Variants in DHX57 observed in about 807,000 individuals in gnomAD.
The protein encoded by DHX57 is DExH-box helicase 57, also known as putative ATP-dependent RNA helicase DHX57.
In DHX57, 105 loss-of-function variants were observed where a neutral mutation model predicts 156.2. That is an observed-to-expected ratio of 0.67 (90% CI 0.57 to 0.79). The LOEUF is 0.79. DHX57 is among the 30% of genes least tolerant of loss of function. The probability of loss-of-function intolerance (pLI) is 0.00; values close to 1 mark genes in which losing one functional copy is unlikely to be tolerated. For missense variants in DHX57, 1,847 were observed against 1,661.9 expected, an observed-to-expected ratio of 1.11 and a Z score of -1.94; for synonymous variants, 704 against 595.6, an observed-to-expected ratio of 1.18 and a Z score of -2.65.
intron 1 of DHX57, among the ~76,000 whole-genome samples, chr2:38,870,899 A>G (rs28429643): frequency 6.6e-6 from 1 of 151,702 alleles, no homozygotes; most frequent in Non-Finnish European, 1.5e-5. Context: ...AAAACAAAAA[A>G]CAAAAAAAAA....
intron 1 of DHX57, among the ~76,000 whole-genome samples, chr2:38,873,159 T>A (rs1429038610): frequency 1.3e-5 from 2 of 152,108 alleles, no homozygotes; most frequent in Non-Finnish European, 2.9e-5. Flanking sequence ...CCTGACTAAT[T>A]TTTGTATTTT....
chr2:38,803,992 G>C (rs1669821373), intron 22 of DHX57, among the ~76,000 whole-genome samples: 1 of 152,086 alleles, frequency 6.6e-6, no homozygotes, highest in African/African-American at 2.4e-5. Flanking sequence ...ATGTTGGCCA[G>C]GCTGGTCTCA....
intron 9 of DHX57, among the ~76,000 whole-genome samples, chr2:38,849,447 C>T (rs1183503105): frequency 6.6e-6 from 1 of 151,960 alleles, no homozygotes; most frequent in Non-Finnish European, 1.5e-5. Context: ...TGCGGTGGCT[C>T]ACACTTGTAA....
intron 6 of DHX57, 46 bp from the exon 7 acceptor site, chr2:38,856,507 T>G (rs57884089): frequency 7.6e-6 from 9 of 1,183,126 alleles, no homozygotes. Context: ...CTTTTTCTTT[T>G]TTTTTTTTTT....
intron 13 of DHX57, among the ~76,000 whole-genome samples, chr2:38,832,852 T>A (rs1208858142): frequency 1.3e-5 from 2 of 152,010 alleles, no homozygotes; most frequent in Non-Finnish European, 2.9e-5. Context: ...TAAAGTAATT[T>A]TTTGATCTAT....
At chr2:38,840,335 T>C (rs1465769508) in intron 12 of DHX57, among the ~76,000 whole-genome samples, 1 of 152,032 alleles carries the variant, frequency 6.6e-6, no homozygotes, top group Non-Finnish European at 1.5e-5. Context: ...AAACATTATT[T>C]AATTTTCTGA....
chr2:38,859,891 G>A (rs1040291417), intron 5 of DHX57, among the ~76,000 whole-genome samples: 1 of 149,938 alleles, frequency 6.7e-6, no homozygotes, highest in Admixed American at 6.7e-5. Flanking sequence ...ACTCACTGCA[G>A]CTTCTACCTC....
intron 19 of DHX57, among the ~76,000 whole-genome samples, chr2:38,817,297 C>A (rs1558362446): frequency 6.6e-6 from 1 of 151,996 alleles, no homozygotes; most frequent in Non-Finnish European, 1.5e-5. Context: ...CTTCTCATAC[C>A]ACTTTGGAAT....
At chr2:38,807,755 C>T (rs1335042437) in intron 21 of DHX57, among the ~76,000 whole-genome samples, 1 of 151,884 alleles carries the variant, frequency 6.6e-6, no homozygotes, top group Non-Finnish European at 1.5e-5. Context: ...TCAAGTGATT[C>T]TCCTGCCTCA....
chr2:38,868,092 G>C (rs115566452), intron 2 of DHX57, 90 bp downstream of exon 2: 2 of 1,493,974 alleles, frequency 1.3e-6, no homozygotes, highest in East Asian at 2.3e-5. Flanking sequence ...AGAATTACTC[G>C]ACTTTTTTTC....
At chr2:38,856,493 G>A (rs762198912) in intron 6 of DHX57, 32 bp from the exon 7 acceptor site, 108 of 1,545,852 alleles carry the variant, frequency 7.0e-5, no homozygotes, top group Non-Finnish European at 9.1e-5. Flanking sequence ...TATCAGTTGG[G>A]TTACTTTTTC....
At chr2:38,817,087 C>T (rs1356421067) in intron 19 of DHX57, among the ~76,000 whole-genome samples, 3 of 152,106 alleles carry the variant, frequency 2.0e-5, no homozygotes, top group African/African-American at 7.2e-5. Context: ...TGCACCATCA[C>T]GCCTGGCTAA....
intron 19 of DHX57, chr2:38,816,018 A>G (rs1018853855): frequency 7.4e-6 from 3 of 406,300 alleles, no homozygotes; most frequent in African/African-American, 4.2e-5. Context: ...TGGAATTCCA[A>G]CTCCAAGTGC....
At chr2:38,810,537 C>T in intron 21 of DHX57, 4 of 566,222 alleles carry the variant, frequency 7.1e-6, no homozygotes, top group Non-Finnish European at 1.0e-5. Context: ...CATCATTGCC[C>T]TCCACGTTCA....
chr2:38,810,819 T>C (rs1670206254), intron 21 of DHX57: 1 of 744,862 alleles, frequency 1.3e-6, no homozygotes, highest in Non-Finnish European at 2.4e-6. Context: ...GGATGGTGCC[T>C]GCTGGGGTCT....
At position 38,806,607 on chromosome 2, in the gene DHX57, GGT is replaced by G; in HGVS notation, c.3766_3767del (p.Thr1256GlnfsTer21). 1 of 1,614,058 alleles carries G rather than the reference GGT, an allele frequency of 6.2e-7. No individual in the cohort carries two copies. Among genetic ancestry groups the G allele is most frequent in the Non-Finnish European group, 8.5e-7 (1 of 1,180,002 alleles). On this transcript the variant is annotated frameshift_variant, in exon 22 of 24. Coordinates refer to ENST00000457308, the MANE Select transcript of DHX57 (RefSeq NM_198963.3). LOFTEE classifies it high-confidence loss of function. The part of the protein sequence containing the change: ...QPKSAELKFV[T>X]KNDGYVHIHP... ...GAATGTGTACATATCCATCGTTCTT[GGT>G]GACAAACTTCAACTCAGCTGATTTT...
Position 38,848,346 on chromosome 2 carries a change from A to T in DHX57, c.2087T>A (p.Val696Asp). ...DIVSQRPGLQ[V>D]ILMSATLNAE... The stretch of plus-strand genomic sequence containing the variant: ...GTTTAGAGTTGCACTCATTAAAATA[A>T]CTTGAAGACCTGGCCTCTGCGATAC... Residue 696 changes from valine (V) to aspartate (D), a missense_variant, in exon 10 of 24, where the codon GTT becomes GAT. By Grantham distance (152) the Val-to-Asp change is radical. Coordinates refer to ENST00000457308, the MANE Select transcript of DHX57 (RefSeq NM_198963.3). 1 of 1,612,698 alleles carries T rather than the reference A, an allele frequency of 6.2e-7. No homozygotes were observed. The highest frequency in any genetic ancestry group is 8.5e-7 in the Non-Finnish European group (1 of 1,179,434).
At chr2:38,842,873 A>G in intron 12 of DHX57, 132 bp downstream of exon 12, 1 of 905,352 alleles carries the variant, frequency 1.1e-6, no homozygotes, top group South Asian at 1.7e-5. Flanking sequence ...TCTAGGTTTA[A>G]GGTTGCTCTG....
chr2:38,838,610 C>A (rs1671811537), intron 12 of DHX57, among the ~76,000 whole-genome samples: 1 of 152,184 alleles, frequency 6.6e-6, no homozygotes, highest in African/African-American at 2.4e-5. Context: ...TTAGAAACTT[C>A]TTCTAGATTC....
Sources: allele counts gnomAD v4.1 joint callset (sites outside exome capture counted in the v4.1 genomes callset), GRCh38; gene constraint gnomAD v4.1.1; transcripts MANE v1.5; gene names NCBI Gene and HGNC (gene_info 2026-07-23, HGNC 2026-07-21).